The following RIN2 variants were observed in gnomAD, a reference collection of about 807,000 sequenced individuals.
RIN2 encodes the protein Ras and Rab interactor 2.
In RIN2, 36 loss-of-function variants were observed where a neutral mutation model predicts 78.0. The observed-to-expected ratio is 0.46, with a 90% confidence interval of 0.35 to 0.61. The LOEUF is 0.61. RIN2 is among the 20% of genes least tolerant of loss of function. The pLI is 0.00. For missense variants in RIN2, 1,087 were observed against 1,159.7 expected, an observed-to-expected ratio of 0.94 and a Z score of 0.91; for synonymous variants, 466 against 466.8, an observed-to-expected ratio of 1.00 and a Z score of 0.02.
Position 20,000,920 on chromosome 20 carries a change from A to T in RIN2, c.2672A>T (p.Asp891Val). The T allele has an allele frequency of 1.2e-6, 2 of 1,610,456 alleles. No individual in the cohort carries two copies. Among genetic ancestry groups the T allele is most frequent in the East Asian group, 2.2e-5 (1 of 44,866 alleles). Reference protein sequence around the residue: ...YGIIFQNGEEDLTTS With the variant: ...YGIIFQNGEEVLTTS ...ATCATTTTCCAGAACGGGGAAGAAG[A>T]CCTCACCACCTCCTAGAAGACAGGC... is the stretch of plus-strand genomic sequence containing the variant. The change falls in exon 13 of 13, where the codon GAC becomes GTC. Residue 891 changes from aspartate (D) to valine (V), a missense_variant. Around this residue, in one of 8 missense-constraint regions of RIN2, gnomAD observed 160 missense variants for 179.4 expected, o/e 0.89. Coordinates refer to ENST00000255006, the MANE Select transcript of RIN2 (RefSeq NM_018993.4).
intron 4 of RIN2, among the ~76,000 whole-genome samples, chr20:19,956,114 C>T (rs770698362): frequency 3.3e-5 from 5 of 151,636 alleles, no homozygotes; most frequent in South Asian, 2.1e-4. Flanking sequence ...AAAATTTAGC[C>T]GGGCATTGTG....
At chr20:19,785,350 A>G (rs2034642680) in intron 1 of RIN2, among the ~76,000 whole-genome samples, 1 of 152,168 alleles carries the variant, frequency 6.6e-6, no homozygotes, top group African/African-American at 2.4e-5. Context: ...AAATGTCCTA[A>G]CATAAGAACT....
intron 11 of RIN2, among the ~76,000 whole-genome samples, chr20:19,995,276 A>AC (rs1368476311): frequency 1.3e-5 from 2 of 151,630 alleles, no homozygotes; most frequent in East Asian, 3.9e-4. Flanking sequence ...AAAAAAAAAA[A>AC]AACAAAACAC....
intron 2 of RIN2, among the ~76,000 whole-genome samples, chr20:19,844,330 C>T (rs537543404): frequency 6.6e-6 from 1 of 152,318 alleles, no homozygotes; most frequent in South Asian, 2.1e-4. Context: ...TAAGGTTAAA[C>T]TGAAACCACT....
Position 19,935,470 on chromosome 20 carries a change from T to C in RIN2, c.158+271T>C, listed in dbSNP as rs187382887. ...GAAACCTAAAATTGTCTGTGCCATA[T>C]CCACCTACTCCCAATGATGGAAACA... On this transcript the variant is annotated intron_variant, in intron 4 of 12. Coordinates refer to ENST00000255006, the MANE Select transcript of RIN2 (RefSeq NM_018993.4). 106 of 1,210,452 alleles carry C rather than the reference T, an allele frequency of 8.8e-5. No individual in the cohort carries two copies. In the African/African-American group the frequency reaches 1.3e-3, roughly 15 times the overall value. 75.0% of individuals were successfully genotyped at this position (1,210,452 alleles called of 1,614,324 possible).
At chr20:19,790,117 C>T (rs1014159775) in intron 1 of RIN2, among the ~76,000 whole-genome samples, 1 of 152,114 alleles carries the variant, frequency 6.6e-6, no homozygotes, top group Admixed American at 6.6e-5. Context: ...CCATCATTTC[C>T]CTCGTTGCAG....
chr20:19,937,284 G>A (rs1053322379), intron 4 of RIN2, among the ~76,000 whole-genome samples: 1 of 152,200 alleles, frequency 6.6e-6, no homozygotes, highest in Admixed American at 6.5e-5. Context: ...GGAGGGAAGA[G>A]GAAAGCAGAC....
At chr20:19,789,489 A>C (rs371300475) in intron 1 of RIN2, among the ~76,000 whole-genome samples, 2 of 152,018 alleles carry the variant, frequency 1.3e-5, no homozygotes, top group African/African-American at 4.8e-5. Flanking sequence ...CTAGTCCTTT[A>C]TGATTTCTCT....
chr20:19,989,272 CTTTTTT>C (rs11455546), intron 9 of RIN2, among the ~76,000 whole-genome samples: 10 of 109,360 alleles, frequency 9.1e-5, no homozygotes, highest in African/African-American at 3.0e-4. Flanking sequence ...AGAAAACATT[CTTTTTT>C]TTTTTTTTTT....
intron 1 of RIN2, among the ~76,000 whole-genome samples, chr20:19,765,515 G>A (rs1316132103): frequency 6.6e-6 from 1 of 152,126 alleles, no homozygotes; most frequent in African/African-American, 2.4e-5. Flanking sequence ...GCTCCTTTAG[G>A]ATTCCAGGCT....
intron 2 of RIN2, among the ~76,000 whole-genome samples, chr20:19,872,805 G>A (rs1016605094): frequency 6.6e-6 from 1 of 152,178 alleles, no homozygotes; most frequent in African/African-American, 2.4e-5. Context: ...AATGTGGGAC[G>A]CTGGGTAGGG....
intron 1 of RIN2, among the ~76,000 whole-genome samples, chr20:19,764,480 GAT>G (rs1366060285): frequency 6.6e-6 from 1 of 152,212 alleles, no homozygotes; most frequent in African/African-American, 2.4e-5. Context: ...CCCATGTCCA[GAT>G]AAGGGACGTG....
intron 2 of RIN2, among the ~76,000 whole-genome samples, chr20:19,886,102 C>A (rs986565497): frequency 6.6e-6 from 1 of 152,180 alleles, no homozygotes; most frequent in Admixed American, 6.5e-5. Flanking sequence ...TGTGGCCCGG[C>A]GCAGCAAAAG....
chr20:19,852,529 G>T (rs1417431492), intron 2 of RIN2, among the ~76,000 whole-genome samples: 1 of 152,150 alleles, frequency 6.6e-6, no homozygotes, highest in Non-Finnish European at 1.5e-5. Flanking sequence ...TTGGTTGGGC[G>T]ATCCTAAAGG....
At chr20:19,765,176 C>T (rs1318019854) in intron 1 of RIN2, among the ~76,000 whole-genome samples, 4 of 152,056 alleles carry the variant, frequency 2.6e-5, no homozygotes, top group Admixed American at 2.0e-4. Flanking sequence ...TCTTCTCCCC[C>T]ACCCCCAAAT....
chr20:19,817,716 A>G (rs1206410078), intron 2 of RIN2, among the ~76,000 whole-genome samples: 1 of 152,236 alleles, frequency 6.6e-6, no homozygotes, highest in East Asian at 1.9e-4. Flanking sequence ...TCAATGAATC[A>G]AAAAGAAAGA....
intron 4 of RIN2, among the ~76,000 whole-genome samples, chr20:19,942,813 A>G (rs543834199): frequency 6.6e-6 from 1 of 152,326 alleles, no homozygotes; most frequent in East Asian, 1.9e-4. Context: ...TGGCCACACA[A>G]TGTCACCAGC....
intron 2 of RIN2, among the ~76,000 whole-genome samples, chr20:19,811,135 C>A (rs115295676): frequency 6.6e-6 from 1 of 151,446 alleles, no homozygotes; most frequent in Admixed American, 6.6e-5. Flanking sequence ...TTATTTTGGT[C>A]CCCCTGAGAC....
At chr20:19,832,062 C>A (rs568408421) in intron 2 of RIN2, among the ~76,000 whole-genome samples, 1 of 151,926 alleles carries the variant, frequency 6.6e-6, no homozygotes, top group Non-Finnish European at 1.5e-5. Flanking sequence ...GCATTTCATC[C>A]GTACACTGTG....
Sources: gnomAD v4.1 joint callset for allele counts (sites outside exome capture counted in the v4.1 genomes callset) on GRCh38, gnomAD v4.1.1 for gene constraint, gnomAD v4.1.1 regional missense constraint, MANE v1.5 for transcripts, NCBI Gene and HGNC (gene_info 2026-07-23, HGNC 2026-07-21) for gene names.